Variants in MTRF1 observed in about 807,000 individuals in gnomAD.
MTRF1 encodes peptide chain release factor 1, mitochondrial.
A neutral mutation model predicts 62.9 loss-of-function variants in MTRF1; 51 were observed. The ratio of observed to expected loss-of-function variants is 0.81; its 90% CI spans 0.65 to 1.02. MTRF1 has a LOEUF of 1.02. Ranked by LOEUF, MTRF1 falls within the 50% of genes least tolerant of loss-of-function variation. The pLI, the probability that MTRF1 is intolerant of heterozygous loss-of-function variation, is 0.00. For synonymous variants in MTRF1, 158 were observed against 181.9 expected, an observed-to-expected ratio of 0.87 and a Z score of 1.06; for missense variants, 446 against 530.0, an observed-to-expected ratio of 0.84 and a Z score of 1.56.
chr13:41,303,089 T>G, the MTRF1 span, among the ~76,000 whole-genome samples: 3 of 152,030 alleles, frequency 2.0e-5, no homozygotes, highest in Admixed American at 2.0e-4. Flanking sequence ...TCTTATTTAT[T>G]TATTTATTTA....
the MTRF1 span, among the ~76,000 whole-genome samples, chr13:41,273,680 A>T: frequency 6.6e-6 from 1 of 152,080 alleles, no homozygotes; most frequent in Admixed American, 6.6e-5. Flanking sequence ...TCTACTAAAA[A>T]TACAAAATTA....
At chr13:41,229,148 G>C (rs905106055) in intron 7 of MTRF1, 3 of 152,176 alleles carry the variant, frequency 2.0e-5, no homozygotes, top group African/African-American at 7.2e-5. Flanking sequence ...AAAATAATTG[G>C]CCCAAGGTAA....
At chr13:41,239,017 T>TA (rs138836913) in intron 6 of MTRF1, among the ~76,000 whole-genome samples, 4,768 of 145,292 alleles carry the variant, frequency 0.033, 241 homozygotes, top group African/African-American at 0.11. Context: ...TCATTATCAC[T>TA]AAAAAAAAAA....
At chr13:41,242,456 A>G (rs900655223) in intron 5 of MTRF1, among the ~76,000 whole-genome samples, 2 of 152,232 alleles carry the variant, frequency 1.3e-5, no homozygotes, top group African/African-American at 2.4e-5. Flanking sequence ...AGAGAAAAAT[A>G]GTATTTGAAA....
chr13:41,293,422 T>A, the MTRF1 span, among the ~76,000 whole-genome samples: 1 of 152,214 alleles, frequency 6.6e-6, no homozygotes, highest in Non-Finnish European at 1.5e-5. Flanking sequence ...CTGGGTTTAC[T>A]GGTCAGACAG....
chr13:41,273,313 G>T, the MTRF1 span, among the ~76,000 whole-genome samples: 4 of 145,686 alleles, frequency 2.7e-5, no homozygotes, highest in East Asian at 6.1e-4. Flanking sequence ...GCTACAGAGC[G>T]AGACTCCGTC....
chr13:41,257,331 A>G (rs1205861791), intron 2 of MTRF1, among the ~76,000 whole-genome samples: 1 of 152,186 alleles, frequency 6.6e-6, no homozygotes, highest in African/African-American at 2.4e-5. Flanking sequence ...TAGGGCTACA[A>G]GTTAGGAATT....
rs185417429 is a variant in MTRF1, at chr13:41,249,698, C to T, written c.697+2947G>A. On this transcript the variant is annotated intron_variant, in intron 5 of 9. Coordinates refer to ENST00000379480, the MANE Select transcript of MTRF1 (RefSeq NM_004294.4). Reference sequence around the variant, plus strand: ...CTGGAGTGCAGTGGCATGATCTTGGCCCACTGCAACCTCTGCCTCCTGGGT... The same window carrying T: ...CTGGAGTGCAGTGGCATGATCTTGGTCCACTGCAACCTCTGCCTCCTGGGT... Among the ~76,000 whole-genome samples the T allele has an allele frequency of 6.1e-3, 746 of 121,414 alleles. 1 individual carries two copies. Among genetic ancestry groups the T allele is most frequent in the Non-Finnish European group, 9.1e-3 (571 of 63,034 alleles). 79.7% of individuals were successfully genotyped at this position (121,414 alleles called of 152,430 possible).
intron 7 of MTRF1, among the ~76,000 whole-genome samples, chr13:41,230,727 T>TTG (rs71086552): frequency 2.6e-5 from 1 of 38,468 alleles, no homozygotes; most frequent in African/African-American, 5.1e-5. Flanking sequence ...ATGGTTTCCC[T>TTG]TTTTTTTTTT....
At chr13:41,218,281 A>ATTTT (rs199717534) in intron 9 of MTRF1, among the ~76,000 whole-genome samples, 6 of 117,888 alleles carry the variant, frequency 5.1e-5, no homozygotes, top group African/African-American at 1.3e-4. Context: ...CACCCAGCTA[A>ATTTT]TTTTTTTTTT....
the MTRF1 span, among the ~76,000 whole-genome samples, chr13:41,286,088 C>CAAA: frequency 0.57 from 62,040 of 108,800 alleles, 19,288 homozygotes; most frequent in Non-Finnish European, 0.69. Context: ...ACAACAACAA[C>CAAA]AAAAAAAAAA....
At chr13:41,309,341 A>AGTGTGTGTGTGT in the MTRF1 span, among the ~76,000 whole-genome samples, 1,801 of 135,638 alleles carry the variant, frequency 0.013, 22 homozygotes, top group Middle Eastern at 0.03. Context: ...ATGCCCAGCT[A>AGTGTGTGTGTGT]GTGTGTGTGT....
At chr13:41,269,273 C>G in the MTRF1 span, among the ~76,000 whole-genome samples, 5 of 136,660 alleles carry the variant, frequency 3.7e-5, no homozygotes, top group African/African-American at 1.4e-4. Context: ...GATCTCGGCT[C>G]ACTGCAACCT....
chr13:41,231,567 C>T (rs889626004), intron 7 of MTRF1, among the ~76,000 whole-genome samples: 13 of 152,122 alleles, frequency 8.5e-5, no homozygotes, highest in Non-Finnish European at 1.3e-4. Context: ...AACAAACTCA[C>T]AAGAGAAAAG....
At chr13:41,285,533 TC>T in the MTRF1 span, among the ~76,000 whole-genome samples, 1 of 152,176 alleles carries the variant, frequency 6.6e-6, no homozygotes, top group Non-Finnish European at 1.5e-5. Flanking sequence ...ACAGACGAGT[TC>T]CTTCAGAATC....
chr13:41,302,778 G>A, the MTRF1 span, among the ~76,000 whole-genome samples: 4,401 of 152,114 alleles, frequency 0.029, 200 homozygotes, highest in African/African-American at 0.098. Flanking sequence ...CTCCTGCTTT[G>A]GCCTCCAAAG....
the MTRF1 span, among the ~76,000 whole-genome samples, chr13:41,290,528 G>A: frequency 2.0e-5 from 3 of 151,084 alleles, no homozygotes; most frequent in Non-Finnish European, 4.4e-5. Flanking sequence ...CCAAGTAGCT[G>A]GGACTACAGG....
chr13:41,247,158 T>C (rs1297763689), intron 5 of MTRF1, among the ~76,000 whole-genome samples: 1 of 152,226 alleles, frequency 6.6e-6, no homozygotes, highest in Admixed American at 6.5e-5. Flanking sequence ...AGTGTTGACA[T>C]GCAGCTGTCG....
upstream of MTRF1, among the ~76,000 whole-genome samples, chr13:41,265,639 A>G (rs1566203739): frequency 6.8e-6 from 1 of 148,144 alleles, no homozygotes; most frequent in Non-Finnish European, 1.5e-5. Context: ...CTTTCTAAAA[A>G]GGCACCAGAG....
Sources: gnomAD v4.1 joint callset for allele counts (sites outside exome capture counted in the v4.1 genomes callset) on GRCh38, gnomAD v4.1.1 for gene constraint, MANE v1.5 for transcripts, NCBI Gene and HGNC (gene_info 2026-07-23, HGNC 2026-07-21) for gene names.